The following SLC2A12 variants were observed in gnomAD, a reference collection of about 807,000 sequenced individuals.
SLC2A12 encodes solute carrier family 2, facilitated glucose transporter member 12.
A neutral mutation model predicts 41.8 loss-of-function variants in SLC2A12; 23 were observed. The ratio of observed to expected loss-of-function variants is 0.55; its 90% CI spans 0.40 to 0.78. The LOEUF (loss-of-function observed/expected upper bound fraction) is 0.78. Among genes scored for constraint, SLC2A12 ranks in the 30% least tolerant of loss-of-function variants. The pLI is 0.00. For missense variants in SLC2A12, 654 were observed against 745.6 expected (o/e 0.88, Z 1.43); for synonymous variants, 295 against 285.9 (o/e 1.03, Z -0.32).
intron 2 of SLC2A12, among the ~76,000 whole-genome samples, chr6:134,016,421 G>A (rs1776963474): frequency 6.6e-6 from 1 of 152,086 alleles, no homozygotes; most frequent in Non-Finnish European, 1.5e-5. Context: ...ATGTGCAGGT[G>A]TCATCTGGCC....
chr6:134,021,906 T>A (rs1433502935), intron 2 of SLC2A12, among the ~76,000 whole-genome samples: 1 of 152,088 alleles, frequency 6.6e-6, no homozygotes, highest in African/African-American at 2.4e-5. Context: ...AACAAGTGCT[T>A]TGTGTGTATT....
intron 2 of SLC2A12, among the ~76,000 whole-genome samples, chr6:134,015,728 C>A (rs1776951834): frequency 1.3e-5 from 2 of 152,096 alleles, no homozygotes; most frequent in Non-Finnish European, 2.9e-5. Flanking sequence ...TGCCTTAAAC[C>A]CAGTAGGTCT....
chr6:134,037,309 T>C (rs1237502457), intron 1 of SLC2A12, among the ~76,000 whole-genome samples: 3 of 151,032 alleles, frequency 2.0e-5, no homozygotes, highest in Non-Finnish European at 4.4e-5. Flanking sequence ...CCAGCTCCAA[T>C]ATCCCCTCCT....
At chr6:134,014,961 C>T (rs1449255026) in intron 2 of SLC2A12, among the ~76,000 whole-genome samples, 6 of 152,216 alleles carry the variant, frequency 3.9e-5, no homozygotes, top group Non-Finnish European at 8.8e-5. Context: ...TAGCTAAGTG[C>T]ATCTAGTTCT....
chr6:134,001,874 G>T (rs184725617), intron 4 of SLC2A12, 123 bp downstream of exon 4: 1 of 1,043,308 alleles, frequency 9.6e-7, no homozygotes, highest in Non-Finnish European at 1.3e-6. Flanking sequence ...ATAGTCTTAC[G>T]CTAAAGGGAA....
intron 1 of SLC2A12, among the ~76,000 whole-genome samples, chr6:134,044,052 C>T (rs1777421984): frequency 6.6e-6 from 1 of 152,154 alleles, no homozygotes; most frequent in African/African-American, 2.4e-5. Context: ...CATGTTCAAG[C>T]TATTTTCCCT....
At chr6:134,034,457 C>T (rs1276860044) in intron 1 of SLC2A12, among the ~76,000 whole-genome samples, 1 of 152,174 alleles carries the variant, frequency 6.6e-6, no homozygotes, top group East Asian at 1.9e-4. Flanking sequence ...AAGGCTAGTC[C>T]TTAGCGCTTC....
At position 134,032,420 on chromosome 6, in the gene SLC2A12, A is replaced by T. The variant is rs1310326167; in HGVS notation, c.104-2699T>A. Among the ~76,000 whole-genome samples, 4 of 36,528 alleles carry T rather than the reference A, an allele frequency of 1.1e-4. No homozygotes were observed. The East Asian group carries it at 1.7e-3, about 16-fold the overall frequency. The allele number at this position is 36,528 out of a possible 152,430, so 24.0% of individuals were successfully genotyped here. ...TACAGGGAGAAATATATATATATAT[A>T]TATATTTATATATATATATATATAT... On this transcript the variant is annotated intron_variant, in intron 1 of 4. Transcript: ENST00000275230.
intron 1 of SLC2A12, among the ~76,000 whole-genome samples, chr6:134,048,170 T>C (rs1773601780): frequency 6.6e-6 from 1 of 152,188 alleles, no homozygotes; most frequent in South Asian, 2.1e-4. Context: ...TGATGTGATT[T>C]CCAAGTGAGG....
chr6:134,036,369 T>C (rs1429776657), intron 1 of SLC2A12, among the ~76,000 whole-genome samples: 1 of 152,214 alleles, frequency 6.6e-6, no homozygotes, highest in Non-Finnish European at 1.5e-5. Context: ...CAACTCATCT[T>C]TCAATAGTCA....
intron 1 of SLC2A12, among the ~76,000 whole-genome samples, chr6:134,043,970 C>A (rs2114507272): frequency 6.6e-6 from 1 of 152,252 alleles, no homozygotes; most frequent in Admixed American, 6.5e-5. Flanking sequence ...TCTTTCCCTG[C>A]TTTGAACTCT....
At chr6:134,003,406 T>C (rs1776776307) in intron 3 of SLC2A12, among the ~76,000 whole-genome samples, 2 of 152,156 alleles carry the variant, frequency 1.3e-5, no homozygotes, top group Non-Finnish European at 2.9e-5. Context: ...CATCAAATTG[T>C]CCCCAGTTTT....
Position 134,005,005 on chromosome 6 carries a change from T to C in SLC2A12, c.1567+1807A>G, listed in dbSNP as rs533598014. ...AAATCTCCTCAAGCCTCTATCGTTT[T>C]TAAAAAAATAAATTTAGGCTTTATT... is the stretch of plus-strand genomic sequence containing the variant. On this transcript the variant is annotated intron_variant, in intron 3 of 4. Transcript: ENST00000275230. Among the ~76,000 whole-genome samples the C allele has an allele frequency of 1.6e-4, 24 of 152,340 alleles. No homozygotes were observed. In the South Asian group the frequency reaches 4.8e-3, roughly 30 times the overall value.
intron 3 of SLC2A12, 111 bp downstream of exon 3, chr6:134,006,701 T>C (rs1156769242): frequency 1.0e-5 from 14 of 1,396,300 alleles, no homozygotes; most frequent in African/African-American, 1.4e-5. Flanking sequence ...CCGTTCTCCT[T>C]CTAAGTGTGT....
chr6:134,040,097 G>A (rs1021390385), intron 1 of SLC2A12, among the ~76,000 whole-genome samples: 7 of 144,592 alleles, frequency 4.8e-5, no homozygotes, highest in Non-Finnish European at 9.0e-5. Context: ...TTTTTTTTGA[G>A]ACAGGGTCTC....
In SLC2A12 at chr6:133,989,662, A is replaced by AT. The variant is rs1374283710; in HGVS notation, c.*1492dup. ...TTTTTATACAGATAATACACTGCAG[A>AT]TCCAGGCCTTTTAGTCAGTCTCCTG... On this transcript the variant is annotated 3_prime_UTR_variant, in exon 5 of 5. Transcript: ENST00000275230. 3 of 152,192 alleles carry AT rather than the reference A, an allele frequency of 2.0e-5. No homozygotes were observed. The highest frequency in any genetic ancestry group is 7.2e-5 in the African/African-American group (3 of 41,442). 9.4% of individuals were successfully genotyped at this position (152,192 alleles called of 1,614,324 possible). A position where few individuals can be genotyped will look rare whatever the true frequency, so the allele number is the denominator to read the frequency against.
chr6:133,999,515 C>G (rs1562190547), intron 4 of SLC2A12, among the ~76,000 whole-genome samples: 1 of 152,152 alleles, frequency 6.6e-6, no homozygotes, highest in East Asian at 1.9e-4. Context: ...ATGTAAACCT[C>G]AGAGAGACTT....
chr6:134,029,558 T>A lies in SLC2A12; in HGVS notation c.267A>T (p.Gly89=), dbSNP rs775580890. Residue 89 remains glycine (G), a synonymous_variant, in exon 2 of 5, where the codon GGA becomes GGT. Transcript: ENST00000275230. ...CTCCGGTGAGTGAGGCAAGGAGGGC[T>A]CCAATGACGAGGGAGCTCACAACCA... ...QEMVVSSLVI[G]ALLASLTGGV... is the part of the protein sequence containing the mutation. The A allele has an allele frequency of 1.2e-6, 2 of 1,614,086 alleles. No homozygotes were observed. The highest frequency in any genetic ancestry group is 1.6e-4 in the Middle Eastern group (1 of 6,062).
intron 2 of SLC2A12, among the ~76,000 whole-genome samples, chr6:134,024,510 A>G (rs1777088021): frequency 6.6e-6 from 1 of 152,180 alleles, no homozygotes; most frequent in African/African-American, 2.4e-5. Context: ...TCCCTATAGG[A>G]AATGATTTGC....
Sources: gnomAD v4.1 joint callset for allele counts (sites outside exome capture counted in the v4.1 genomes callset) on GRCh38, gnomAD v4.1.1 for gene constraint, MANE v1.5 for transcripts, NCBI Gene and HGNC (gene_info 2026-07-23, HGNC 2026-07-21) for gene names.